The following NFYC variants were observed in gnomAD, a reference collection of about 807,000 sequenced individuals.
NFYC encodes the protein CAAT box DNA-binding protein subunit C.
In NFYC, 25 loss-of-function variants were observed where a neutral mutation model predicts 53.1. That is an observed-to-expected ratio of 0.47 (90% CI 0.34 to 0.66). The LOEUF (loss-of-function observed/expected upper bound fraction) is 0.66. Among genes scored for constraint, NFYC ranks in the 30% least tolerant of loss-of-function variants. The pLI is 0.01. For missense variants in NFYC, 260 were observed against 422.7 expected (o/e 0.62, Z 3.38); for synonymous variants, 145 against 152.6 (o/e 0.95, Z 0.37).
At chr1:40,730,284 G>C (rs1316835678) in intron 1 of NFYC, among the ~76,000 whole-genome samples, 1 of 145,614 alleles carries the variant, frequency 6.9e-6, no homozygotes, top group Non-Finnish European at 1.5e-5. Context: ...CATGCAGTCA[G>C]CCCTCCTTGG....
At chr1:40,718,502 T>TA (rs1644219665) in intron 1 of NFYC, among the ~76,000 whole-genome samples, 1 of 152,198 alleles carries the variant, frequency 6.6e-6, no homozygotes, top group Admixed American at 6.5e-5. Context: ...ATAGACTGCT[T>TA]AACAGGCTAA....
intron 1 of NFYC, among the ~76,000 whole-genome samples, chr1:40,703,627 C>T (rs1643553444): frequency 1.3e-5 from 2 of 152,160 alleles, no homozygotes; most frequent in Non-Finnish European, 2.9e-5. Context: ...TCCGTTATTT[C>T]ACTGACACTG....
intron 2 of NFYC, among the ~76,000 whole-genome samples, chr1:40,743,962 G>A (rs1446338670): frequency 6.6e-6 from 1 of 152,158 alleles, no homozygotes; most frequent in East Asian, 1.9e-4. Flanking sequence ...ATAGTCACAA[G>A]GGGAGTTTTC....
intron 1 of NFYC, among the ~76,000 whole-genome samples, chr1:40,713,685 C>T (rs1206445966): frequency 2.6e-5 from 4 of 152,158 alleles, no homozygotes; most frequent in Non-Finnish European, 1.5e-5. Flanking sequence ...GTTCAGGTGC[C>T]CTAATCCAAG....
chr1:40,768,365 A>G (rs942557509), intron 8 of NFYC, among the ~76,000 whole-genome samples: 1 of 152,234 alleles, frequency 6.6e-6, no homozygotes, highest in East Asian at 1.9e-4. Flanking sequence ...TGTTGGAAGG[A>G]AAAGGACCAA....
intron 1 of NFYC, among the ~76,000 whole-genome samples, chr1:40,697,742 T>TA (rs1391755169): frequency 1.3e-5 from 2 of 152,196 alleles, no homozygotes; most frequent in Non-Finnish European, 2.9e-5. Flanking sequence ...AGTAAGCAGT[T>TA]AGACAGTATT....
intron 6 of NFYC, among the ~76,000 whole-genome samples, chr1:40,760,237 A>G (rs1418001581): frequency 6.6e-6 from 1 of 152,166 alleles, no homozygotes; most frequent in East Asian, 1.9e-4. Flanking sequence ...GATGACAGGC[A>G]TGAGCCACCA....
Position 40,750,073 on chromosome 1 carries a change from G to A in NFYC, c.291+387G>A, listed in dbSNP as rs148364214. ...TGGGAGCCTTGAGAGATTCCAGGAAGTATCATCAGTCTCACTAGCTTCATT... is the reference window on the plus strand; with the variant it reads ...TGGGAGCCTTGAGAGATTCCAGGAAATATCATCAGTCTCACTAGCTTCATT... On this transcript the variant is annotated intron_variant, in intron 4 of 9. Coordinates refer to ENST00000447388, the MANE Select transcript of NFYC (RefSeq NM_014223.5). Among the ~76,000 whole-genome samples the A allele has an allele frequency of 2.6e-5, 4 of 152,310 alleles. No homozygotes were observed. The East Asian group carries it at 7.7e-4, about 29-fold the overall frequency.
intron 2 of NFYC, among the ~76,000 whole-genome samples, chr1:40,740,820 C>T (rs960069019): frequency 3.3e-5 from 5 of 151,918 alleles, no homozygotes; most frequent in African/African-American, 1.2e-4. Context: ...AAGTCTGTGC[C>T]GCAGCTTGAG....
At position 40,695,226 on chromosome 1, in the gene NFYC, G is replaced by A. The variant is rs574968913; in HGVS notation, c.-9+3359G>A. Reference sequence around the variant, plus strand: ...TGCCCTCCAGTCTGGGCAACACAGCGAGACTCAGTCTCCCAAAAAATAAAT... The same window carrying A: ...TGCCCTCCAGTCTGGGCAACACAGCAAGACTCAGTCTCCCAAAAAATAAAT... On this transcript the variant is annotated intron_variant, in intron 1 of 9. Coordinates refer to ENST00000447388, the MANE Select transcript of NFYC (RefSeq NM_014223.5). Among the ~76,000 whole-genome samples the A allele has an allele frequency of 2.6e-5, 4 of 152,216 alleles. No individual in the cohort carries two copies. In the South Asian group the frequency reaches 8.3e-4, roughly 32 times the overall value.
Position 40,771,095 on chromosome 1 carries a change from A to G in NFYC, c.*267A>G. Reference sequence around the variant, plus strand: ...GTGTGTCCAATGCTATGAAATTAAAATATTAAATAACATATTTATGGCATT... The same window carrying G: ...GTGTGTCCAATGCTATGAAATTAAAGTATTAAATAACATATTTATGGCATT... On this transcript the variant is annotated 3_prime_UTR_variant, in exon 10 of 10. Coordinates refer to ENST00000447388, the MANE Select transcript of NFYC (RefSeq NM_014223.5). The G allele has an allele frequency of 2.0e-6, 1 of 512,104 alleles. No homozygotes were observed. The allele number at this position is 512,104 out of a possible 1,614,324, so 31.7% of individuals were successfully genotyped here.
intron 2 of NFYC, among the ~76,000 whole-genome samples, chr1:40,741,600 C>CTTTTTTTTTTTTTTTT (rs889135776): frequency 6.9e-6 from 1 of 143,998 alleles, no homozygotes; most frequent in Non-Finnish European, 1.5e-5. Context: ...TATCTTTTTT[C>CTTTTTTTTTTTTTTTT]TTTTTTTTTT....
At chr1:40,730,552 C>T (rs1644723179) in intron 1 of NFYC, 1 of 985,024 alleles carries the variant, frequency 1.0e-6, no homozygotes, top group South Asian at 4.7e-5. Flanking sequence ...AGGATGTCAC[C>T]TCATGACAGA....
intron 1 of NFYC, among the ~76,000 whole-genome samples, chr1:40,725,336 T>A (rs1644471816): frequency 1.3e-5 from 2 of 152,208 alleles, no homozygotes; most frequent in Non-Finnish European, 2.9e-5. Context: ...GTGTTCAGTA[T>A]ACATCATTGC....
At chr1:40,718,798 C>T (rs1389329584) in intron 1 of NFYC, among the ~76,000 whole-genome samples, 1 of 152,204 alleles carries the variant, frequency 6.6e-6, no homozygotes, top group Non-Finnish European at 1.5e-5. Context: ...AGGCAGCTCC[C>T]ACATTTGGGT....
chr1:40,737,586 C>G (rs947145085), intron 1 of NFYC, among the ~76,000 whole-genome samples: 2 of 152,120 alleles, frequency 1.3e-5, no homozygotes, highest in African/African-American at 4.8e-5. Flanking sequence ...GCCTCGGCTT[C>G]CCAGAGTGTT....
At chr1:40,696,611 G>C (rs1643161527) in intron 1 of NFYC, among the ~76,000 whole-genome samples, 1 of 152,202 alleles carries the variant, frequency 6.6e-6, no homozygotes, top group South Asian at 2.1e-4. Context: ...TGGACGCATT[G>C]ACTTGATGGC....
chr1:40,727,678 A>C (rs1644582599), intron 1 of NFYC, among the ~76,000 whole-genome samples: 1 of 151,516 alleles, frequency 6.6e-6, no homozygotes, highest in South Asian at 2.1e-4. Flanking sequence ...TTTCAGGCCC[A>C]CACCACCATG....
At chr1:40,712,711 G>T (rs1250761616) in intron 1 of NFYC, 1 of 136,908 alleles carries the variant, frequency 7.3e-6, no homozygotes, top group Admixed American at 8.4e-5. Context: ...TGTTGCCAAG[G>T]CTGGTGTGCC....
Sources: gnomAD v4.1 joint callset for allele counts (sites outside exome capture counted in the v4.1 genomes callset) on GRCh38, gnomAD v4.1.1 for gene constraint, MANE v1.5 for transcripts, NCBI Gene and HGNC (gene_info 2026-07-23, HGNC 2026-07-21) for gene names.